The following GPHN variants were observed in gnomAD, a reference collection of about 807,000 sequenced individuals.
GPHN encodes the protein gephyrin.
GPHN carries 17 observed loss-of-function variants against 95.5 expected under a neutral mutation model. The observed-to-expected ratio is 0.18, with a 90% CI of 0.12 to 0.27. The LOEUF is 0.27. Ranked by LOEUF, GPHN falls within the 10% of genes least tolerant of loss-of-function variation. The pLI, the probability that GPHN is intolerant of heterozygous loss-of-function variation, is 1.00. For synonymous variants in GPHN, 320 were observed against 322.5 expected, an observed-to-expected ratio of 0.99 and a Z score of 0.08; for missense variants, 660 against 978.1, an observed-to-expected ratio of 0.67 and a Z score of 4.34.
the GPHN span, among the ~76,000 whole-genome samples, chr14:67,490,236 C>T: frequency 2.6e-5 from 4 of 152,210 alleles, no homozygotes; most frequent in Admixed American, 6.5e-5. Flanking sequence ...AAAGGCAAGG[C>T]TGTCTCTGCA....
chr14:66,922,752 T>C lies in GPHN; in HGVS notation c.543T>C (p.Asp181=). Residue 181 remains aspartate (D), a synonymous_variant, in exon 7 of 23, where the codon GAT becomes GAC. Coordinates refer to ENST00000478722, the MANE Select transcript of GPHN (RefSeq NM_020806.5). ...DAIVKVKEVH[D]ELEDLPSPPP... is the part of the protein sequence containing the mutation. ...TTGTAAAAGTAAAGGAGGTGCATGA[T>C]GAACTTGAAGATTTGCCTTCCCCAC... The C allele has an allele frequency of 6.2e-7, 1 of 1,613,770 alleles. No individual in the cohort carries two copies. The highest frequency in any genetic ancestry group is 8.5e-7 in the Non-Finnish European group (1 of 1,179,696).
At chr14:66,882,244 T>A (rs2153535026) in intron 5 of GPHN, among the ~76,000 whole-genome samples, 1 of 151,902 alleles carries the variant, frequency 6.6e-6, no homozygotes, top group Admixed American at 6.6e-5. Context: ...CTAAAACAAA[T>A]TCTGACACAT....
chr14:66,695,057 G>A (rs915525448), intron 2 of GPHN, among the ~76,000 whole-genome samples: 1 of 152,096 alleles, frequency 6.6e-6, no homozygotes, highest in Non-Finnish European at 1.5e-5. Context: ...TACTCAGGAG[G>A]CTGAGGCAGG....
At chr14:66,761,535 C>T (rs1412041023) in intron 2 of GPHN, among the ~76,000 whole-genome samples, 1 of 152,118 alleles carries the variant, frequency 6.6e-6, no homozygotes, top group Non-Finnish European at 1.5e-5. Context: ...AATTATGCTG[C>T]ACTGCTTTGA....
At chr14:66,518,659 G>A (rs894916946) in intron 1 of GPHN, among the ~76,000 whole-genome samples, 1 of 152,098 alleles carries the variant, frequency 6.6e-6, no homozygotes, top group African/African-American at 2.4e-5. Context: ...CAGCCATAAA[G>A]AATGAAATCC....
At chr14:66,581,836 A>T in intron 1 of GPHN, among the ~76,000 whole-genome samples, 1 of 152,040 alleles carries the variant, frequency 6.6e-6, no homozygotes, top group South Asian at 2.1e-4. Flanking sequence ...ATTTATGAAG[A>T]AGATATAACA....
At chr14:67,044,120 TGAGGTCAG>T (rs1200646462) in intron 10 of GPHN, among the ~76,000 whole-genome samples, 1 of 152,140 alleles carries the variant, frequency 6.6e-6, no homozygotes, top group African/African-American at 2.4e-5. Flanking sequence ...GTGGATTACC[TGAGGTCAG>T]GAGTTTGAAA....
At chr14:66,609,270 T>G (rs2062677350) in intron 1 of GPHN, among the ~76,000 whole-genome samples, 1 of 152,096 alleles carries the variant, frequency 6.6e-6, no homozygotes, top group Non-Finnish European at 1.5e-5. Context: ...GAAAATTGGT[T>G]TCCGATCTCT....
chr14:67,003,603 G>C (rs2072395214), intron 9 of GPHN, among the ~76,000 whole-genome samples: 1 of 151,620 alleles, frequency 6.6e-6, no homozygotes, highest in Admixed American at 6.6e-5. Flanking sequence ...TCTAGAAATT[G>C]GGACAAGGAC....
chr14:66,955,761 G>A (rs765173520), intron 8 of GPHN, among the ~76,000 whole-genome samples: 13 of 151,922 alleles, frequency 8.6e-5, no homozygotes, highest in Non-Finnish European at 1.8e-4. Context: ...GTGTCCAAGT[G>A]TTCTCATTGT....
At chr14:67,165,277 T>G in intron 20 of GPHN, 51 bp downstream of exon 20, 5 of 1,255,630 alleles carry the variant, frequency 4.0e-6, no homozygotes, top group Non-Finnish European at 5.8e-6. Flanking sequence ...ATAGCCAAAA[T>G]TTTTTGGACT....
chr14:67,638,770 G>A, the GPHN span, among the ~76,000 whole-genome samples: 1 of 152,230 alleles, frequency 6.6e-6, no homozygotes, highest in Non-Finnish European at 1.5e-5. Flanking sequence ...GAAACACAAG[G>A]TTGCTGAGTG....
Position 66,778,982 on chromosome 14 carries a change from G to C in GPHN, c.201+2461G>C, listed in dbSNP as rs113053186. On this transcript the variant is annotated intron_variant, in intron 3 of 22. Coordinates refer to ENST00000478722, the MANE Select transcript of GPHN (RefSeq NM_020806.5). ...TGGTCTTGAACCCCTGACCTCAGGT[G>C]ATCCATCTGCCTCGGCCTCCCAAAG... Among the ~76,000 whole-genome samples the C allele has an allele frequency of 3.1e-3, 470 of 151,920 alleles. 11 individuals are homozygous for C. Among genetic ancestry groups the C allele is most frequent in the African/African-American group, 0.011 (445 of 41,460 alleles).
the GPHN span, among the ~76,000 whole-genome samples, chr14:67,235,393 C>G: frequency 8.3e-4 from 126 of 152,084 alleles, 2 homozygotes; most frequent in Non-Finnish European, 1.6e-4. Context: ...TTTCCAAGCC[C>G]TAAATTACCT....
intron 8 of GPHN, among the ~76,000 whole-genome samples, chr14:66,926,957 C>T (rs1013201812): frequency 1.3e-5 from 2 of 152,068 alleles, no homozygotes; most frequent in Non-Finnish European, 2.9e-5. Flanking sequence ...AAATCTTTTA[C>T]TTCTTTGGTT....
intron 12 of GPHN, among the ~76,000 whole-genome samples, chr14:67,090,402 TA>T (rs2077100080): frequency 6.6e-6 from 1 of 152,086 alleles, no homozygotes; most frequent in African/African-American, 2.4e-5. Context: ...AGGGTCACCA[TA>T]AAAACACACT....
At chr14:66,672,282 C>G (rs150808328) in intron 1 of GPHN, among the ~76,000 whole-genome samples, 1 of 151,818 alleles carries the variant, frequency 6.6e-6, no homozygotes, top group Admixed American at 6.6e-5. Flanking sequence ...AGTTTAATTC[C>G]GTTATGGTCT....
At chr14:66,642,664 G>A (rs1451028131) in intron 1 of GPHN, among the ~76,000 whole-genome samples, 1 of 151,460 alleles carries the variant, frequency 6.6e-6, no homozygotes, top group Non-Finnish European at 1.5e-5. Flanking sequence ...GAGCTGCAAA[G>A]TTTGTTCTAA....
chr14:67,404,158 T>C, the GPHN span, among the ~76,000 whole-genome samples: 1 of 152,206 alleles, frequency 6.6e-6, no homozygotes, highest in Non-Finnish European at 1.5e-5. Flanking sequence ...AATCTAAATA[T>C]ATATGGTAAC....
Sources: allele counts gnomAD v4.1 joint callset (sites outside exome capture counted in the v4.1 genomes callset), GRCh38; gene constraint gnomAD v4.1.1; transcripts MANE v1.5; gene names NCBI Gene and HGNC (gene_info 2026-07-23, HGNC 2026-07-21).